OXR1: variants seen among roughly 807,000 people sequenced by gnomAD.
OXR1 encodes oxidation resistance 1.
In OXR1, 41 loss-of-function variants were observed where a neutral mutation model predicts 104.6. That is an observed-to-expected ratio of 0.39 (90% CI 0.31 to 0.51). The LOEUF is 0.51. Among genes scored for constraint, OXR1 ranks in the 20% least tolerant of loss-of-function variants. OXR1 has a pLI of 0.77. For missense variants in OXR1, 955 were observed against 1,031.9 expected, an observed-to-expected ratio of 0.93 and a Z score of 1.02; for synonymous variants, 348 against 348.4, an observed-to-expected ratio of 1.00 and a Z score of 0.01.
At chr8:106,658,909 G>A (rs1324317018) in intron 3 of OXR1, among the ~76,000 whole-genome samples, 1 of 152,154 alleles carries the variant, frequency 6.6e-6, no homozygotes, top group Admixed American at 6.5e-5. Context: ...AACAGTTTTA[G>A]CATAATGCAT....
At chr8:106,362,074 A>T (rs2130346553) in intron 2 of OXR1, among the ~76,000 whole-genome samples, 1 of 152,322 alleles carries the variant, frequency 6.6e-6, no homozygotes, top group Non-Finnish European at 1.5e-5. Flanking sequence ...CACAGAGGTC[A>T]GCCTCGCAGG....
intron 1 of OXR1, among the ~76,000 whole-genome samples, chr8:106,310,702 A>G (rs763478104): frequency 6.6e-6 from 1 of 152,200 alleles, no homozygotes; most frequent in Non-Finnish European, 1.5e-5. Flanking sequence ...GGTTAGAAAT[A>G]AGTTCCTCCT....
intron 3 of OXR1, among the ~76,000 whole-genome samples, chr8:106,662,280 A>G (rs1825839216): frequency 6.6e-6 from 1 of 152,212 alleles, no homozygotes; most frequent in South Asian, 2.1e-4. Context: ...ATGAAAAATG[A>G]AGTTAAGTGG....
intron 3 of OXR1, among the ~76,000 whole-genome samples, chr8:106,531,889 G>A (rs1814123141): frequency 6.6e-6 from 1 of 152,104 alleles, no homozygotes; most frequent in Non-Finnish European, 1.5e-5. Context: ...ATGGAATGGG[G>A]ATAGCCAAAA....
rs185931554 is a variant in OXR1 at position 106,369,762 on chromosome 8, A to G, written c.23+10126A>G. On this transcript the variant is annotated intron_variant, in intron 2 of 16. Transcript: ENST00000517566. ...TTCTGCTCCATTGGTCTATATGTCT[A>G]TTTTGGTACAAGTACCATGCTGTAT... is the stretch of plus-strand genomic sequence containing the variant. 1.7e-4 allele frequency among the ~76,000 whole-genome samples: 26 copies of G among 152,172 alleles called. No individual in the cohort carries two copies. The East Asian group carries it at 4.8e-3, about 28-fold the overall frequency.
chr8:106,566,268 A>G (rs1817065937), intron 3 of OXR1, among the ~76,000 whole-genome samples: 1 of 152,202 alleles, frequency 6.6e-6, no homozygotes, highest in Admixed American at 6.5e-5. Flanking sequence ...GAACTTAAAG[A>G]AAGTTACAAG....
chr8:106,330,826 C>T (rs1323875227), intron 1 of OXR1, among the ~76,000 whole-genome samples: 2 of 152,138 alleles, frequency 1.3e-5, no homozygotes, highest in African/African-American at 2.4e-5. Flanking sequence ...GATTTGTCCG[C>T]AGTAAAATAC....
At chr8:106,292,894 T>C (rs561238331) in intron 1 of OXR1, among the ~76,000 whole-genome samples, 4 of 152,192 alleles carry the variant, frequency 2.6e-5, no homozygotes, top group African/African-American at 4.8e-5. Flanking sequence ...AATGGATGCT[T>C]TCAGGAAGCT....
intron 3 of OXR1, among the ~76,000 whole-genome samples, chr8:106,660,565 A>G (rs534768119): frequency 6.6e-6 from 1 of 152,340 alleles, no homozygotes; most frequent in African/African-American, 2.4e-5. Flanking sequence ...TTCATCCACT[A>G]AGATGAAAAA....
chr8:106,617,385 C>A (rs766180176), intron 3 of OXR1, among the ~76,000 whole-genome samples: 1 of 151,848 alleles, frequency 6.6e-6, no homozygotes, highest in African/African-American at 2.4e-5. Flanking sequence ...ATGAAGATGG[C>A]GCCACTGTAC....
chr8:106,706,782 A>G lies in OXR1; in HGVS notation c.1261A>G (p.Ile421Val), dbSNP rs758910271. 3.7e-6 allele frequency: 6 copies of G among 1,612,824 alleles called. No individual in the cohort carries two copies. Among genetic ancestry groups the G allele is most frequent in the Non-Finnish European group, 5.1e-6 (6 of 1,179,684 alleles). ...TGATTTAAATAATCTTGAAATGGCC[A>G]TTAAGGAAGATCAGATTGCAGATAA... Reference protein sequence around the residue: ...KTDLNNLEMAIKEDQIADNFQ... With the variant: ...KTDLNNLEMAVKEDQIADNFQ... Residue 421 changes from isoleucine to valine, a missense_variant, in exon 9 of 17, where the codon ATT becomes GTT. Coordinates refer to ENST00000517566, the MANE Select transcript of OXR1 (RefSeq NM_001198533.2).
intron 3 of OXR1, among the ~76,000 whole-genome samples, chr8:106,678,688 T>C (rs1215833953): frequency 6.6e-6 from 1 of 152,052 alleles, no homozygotes; most frequent in Admixed American, 6.5e-5. Context: ...TGTATGTTTC[T>C]ATATGAAAGC....
At chr8:106,673,063 C>T (rs557584205) in intron 3 of OXR1, among the ~76,000 whole-genome samples, 12 of 151,596 alleles carry the variant, frequency 7.9e-5, no homozygotes, top group African/African-American at 1.2e-4. Flanking sequence ...AATGTGGAAG[C>T]GACTTTGGAA....
At chr8:106,749,876 G>A (rs1010855830) in intron 16 of OXR1, among the ~76,000 whole-genome samples, 2 of 151,950 alleles carry the variant, frequency 1.3e-5, no homozygotes, top group Non-Finnish European at 2.9e-5. Context: ...TAGATAATTA[G>A]ATAAATTGGA....
intron 1 of OXR1, among the ~76,000 whole-genome samples, chr8:106,345,758 G>A (rs373423025): frequency 6.6e-6 from 1 of 152,292 alleles, no homozygotes; most frequent in South Asian, 2.1e-4. Flanking sequence ...TTTTCCACAT[G>A]TAAGACAATT....
At chr8:106,469,360 T>G (rs187736977) in intron 2 of OXR1, among the ~76,000 whole-genome samples, 1 of 151,912 alleles carries the variant, frequency 6.6e-6, no homozygotes, top group East Asian at 1.9e-4. Context: ...AAGAAACTCT[T>G]CACTTGATTT....
intron 1 of OXR1, among the ~76,000 whole-genome samples, chr8:106,296,161 G>A (rs1812986401): frequency 6.6e-6 from 1 of 152,056 alleles, no homozygotes; most frequent in African/African-American, 2.4e-5. Flanking sequence ...GAGTCTCATG[G>A]GCTTATAATC....
At chr8:106,380,500 G>T (rs1817098856) in intron 2 of OXR1, among the ~76,000 whole-genome samples, 1 of 152,150 alleles carries the variant, frequency 6.6e-6, no homozygotes, top group Non-Finnish European at 1.5e-5. Context: ...TAGAATGATT[G>T]GTTCACCTGG....
intron 3 of OXR1, among the ~76,000 whole-genome samples, chr8:106,672,109 G>A (rs377044430): frequency 5.9e-5 from 9 of 151,574 alleles, no homozygotes; most frequent in South Asian, 2.1e-4. Context: ...GGGAAAAACC[G>A]GAGTTAATAA....
Sources: gnomAD v4.1 joint callset for allele counts (sites outside exome capture counted in the v4.1 genomes callset) on GRCh38, gnomAD v4.1.1 for gene constraint, MANE v1.5 for transcripts, NCBI Gene and HGNC (gene_info 2026-07-23, HGNC 2026-07-21) for gene names.